Variants in IL12RB2 observed in about 807,000 individuals in gnomAD.
IL12RB2 encodes interleukin-12 receptor subunit beta-2.
IL12RB2 carries 82 observed loss-of-function variants against 89.4 expected under a neutral mutation model. The observed-to-expected ratio is 0.92, with a 90% CI of 0.77 to 1.10. The LOEUF is 1.10. IL12RB2 is among the 50% of genes least tolerant of loss of function. The pLI is 0.00. For missense variants in IL12RB2, 963 were observed against 1,031.9 expected, an observed-to-expected ratio of 0.93 and a Z score of 0.92; for synonymous variants, 368 against 370.1, an observed-to-expected ratio of 0.99 and a Z score of 0.07.
At chr1:67,381,910 C>G (rs570140352) in intron 14 of IL12RB2, among the ~76,000 whole-genome samples, 73 of 152,148 alleles carry the variant, frequency 4.8e-4, no homozygotes, top group African/African-American at 1.8e-3. Flanking sequence ...CACTTGAACC[C>G]AGGAGGCAGA....
At chr1:67,378,781 C>T (rs537643565) in intron 13 of IL12RB2, among the ~76,000 whole-genome samples, 22 of 133,978 alleles carry the variant, frequency 1.6e-4, no homozygotes, top group Admixed American at 6.8e-4. Context: ...ATTCGGGAGG[C>T]GGAGGTTGCA....
chr1:67,334,068 G>A (rs139465525), intron 8 of IL12RB2, among the ~76,000 whole-genome samples: 122 of 152,274 alleles, frequency 8.0e-4, no homozygotes, highest in African/African-American at 2.6e-3. Context: ...TGACAGCAAG[G>A]GTGAGGGGTG....
At chr1:67,331,114 A>G (rs2100685187) in intron 8 of IL12RB2, among the ~76,000 whole-genome samples, 1 of 152,342 alleles carries the variant, frequency 6.6e-6, no homozygotes, top group Non-Finnish European at 1.5e-5. Flanking sequence ...CTTATTTCAC[A>G]GAGCTATAAC....
intron 10 of IL12RB2, among the ~76,000 whole-genome samples, chr1:67,360,340 A>G (rs932336245): frequency 6.6e-6 from 1 of 151,924 alleles, no homozygotes; most frequent in African/African-American, 2.4e-5. Flanking sequence ...CAGAGGTTGC[A>G]GTGAGCCAAG....
chr1:67,388,205 CAAGAA>C (rs1166081957), intron 15 of IL12RB2, among the ~76,000 whole-genome samples: 2 of 152,084 alleles, frequency 1.3e-5, no homozygotes, highest in East Asian at 3.8e-4. Context: ...GGTAGAGCTG[CAAGAA>C]AAGAAAACAA....
At position 67,320,409 on chromosome 1, in the gene IL12RB2, T is replaced by G; in HGVS notation, c.41T>G (p.Phe14Cys). 6.2e-7 allele frequency: 1 copy of G among 1,614,010 alleles called. No homozygotes were observed. The highest frequency in any genetic ancestry group is 1.7e-4 in the Middle Eastern group (1 of 6,054). ...TFRGCSLAFM[F>C]IITWLLIKAK... Reference sequence around the variant, plus strand: ...AGAGGATGCTCATTGGCATTTATGTTTATAATCACGTGGCTGTTGATTAAA... The same window carrying G: ...AGAGGATGCTCATTGGCATTTATGTGTATAATCACGTGGCTGTTGATTAAA... Residue 14 changes from phenylalanine (F) to cysteine (C), a missense_variant, in exon 3 of 17, where the codon TTT becomes TGT. Phe to Cys is a radical substitution (Grantham distance 205). Transcript: ENST00000674203.
chr1:67,365,054 C>T (rs921792646), intron 10 of IL12RB2, among the ~76,000 whole-genome samples: 2 of 152,148 alleles, frequency 1.3e-5, no homozygotes, highest in African/African-American at 4.8e-5. Context: ...TTCTAAATAA[C>T]ACATTGGTCA....
chr1:67,310,184 CAAAAAAAAAAAAA>C (rs890229904), intron 1 of IL12RB2, among the ~76,000 whole-genome samples: 4 of 36,750 alleles, frequency 1.1e-4, no homozygotes, highest in African/African-American at 3.2e-4. Flanking sequence ...AACTTCATCT[CAAAAAAAAAAAAA>C]AAAAAAAAAA....
intron 1 of IL12RB2, among the ~76,000 whole-genome samples, chr1:67,312,644 G>A (rs1359962149): frequency 5.3e-5 from 5 of 94,834 alleles, no homozygotes; most frequent in African/African-American, 1.6e-4. Flanking sequence ...AATAGGAAAA[G>A]AAGAGAGAAA....
At chr1:67,375,128 C>T (rs1030267962) in intron 13 of IL12RB2, among the ~76,000 whole-genome samples, 6 of 152,038 alleles carry the variant, frequency 3.9e-5, no homozygotes, top group African/African-American at 9.7e-5. Context: ...GGCATGGTGG[C>T]TCATGCCTGT....
At chr1:67,339,591 T>C (rs1443155959) in intron 9 of IL12RB2, among the ~76,000 whole-genome samples, 2 of 151,950 alleles carry the variant, frequency 1.3e-5, no homozygotes, top group African/African-American at 4.8e-5. Context: ...CAGAAAACAG[T>C]GAAGCCTGAC....
intron 8 of IL12RB2, among the ~76,000 whole-genome samples, chr1:67,337,495 ATTAT>A (rs1202345589): frequency 9.8e-5 from 15 of 152,288 alleles, no homozygotes; most frequent in Admixed American, 6.5e-4. Flanking sequence ...ACAGGAGTTG[ATTAT>A]TTAGTCTCTT....
At chr1:67,322,436 CAAAAAAAAA>C (rs56249028) in intron 4 of IL12RB2, among the ~76,000 whole-genome samples, 4 of 127,214 alleles carry the variant, frequency 3.1e-5, no homozygotes, top group Middle Eastern at 3.9e-3. Context: ...CTGACTCCAG[CAAAAAAAAA>C]AAAAAAAAAA....
chr1:67,380,071 G>A lies in IL12RB2; in HGVS notation c.1803G>A (p.Leu601=). The change falls in exon 14 of 17, where the codon CTG becomes CTA. Residue 601 remains leucine, a synonymous_variant. Transcript: ENST00000674203. ...CATATGTCCTGTGGATGACAGCTCT[G>A]ACAGCTGCTGGTGAAAGTTCCCACG... ...RVTYVLWMTA[L]TAAGESSHGN... is the part of the protein sequence containing the mutation. The A allele has an allele frequency of 1.2e-6, 2 of 1,614,110 alleles. No homozygotes were observed. The highest frequency in any genetic ancestry group is 1.7e-6 in the Non-Finnish European group (2 of 1,179,948).
chr1:67,328,388 C>T lies in IL12RB2; in HGVS notation c.664+4C>T. 6.2e-7 allele frequency: 1 copy of T among 1,614,110 alleles called. No homozygotes were observed. The highest frequency in any genetic ancestry group is 8.5e-7 in the Non-Finnish European group (1 of 1,180,020). On this transcript the variant is annotated splice_donor_region_variant and intron_variant, in intron 6 of 16. Transcript: ENST00000674203. ...ACATTCACATTCTTGGACATAGGTA[C>T]ATTTTATTTCACTGTTTCATTGGTA...
chr1:67,310,099 G>T, intron 1 of IL12RB2, among the ~76,000 whole-genome samples: 1 of 146,530 alleles, frequency 6.8e-6, no homozygotes, highest in African/African-American at 2.5e-5. Context: ...CAGGAGAATC[G>T]ATTGAACCCG....
intron 1 of IL12RB2, among the ~76,000 whole-genome samples, chr1:67,309,016 T>G (rs1569645175): frequency 6.6e-6 from 1 of 151,124 alleles, no homozygotes; most frequent in East Asian, 1.9e-4. Flanking sequence ...CGAGACTCTG[T>G]CTTAAAAATA....
intron 8 of IL12RB2, among the ~76,000 whole-genome samples, chr1:67,337,612 A>C (rs531606902): frequency 5.3e-5 from 8 of 152,220 alleles, no homozygotes; most frequent in Non-Finnish European, 8.8e-5. Context: ...TTGGCATTAA[A>C]TAGATAATAT....
chr1:67,372,408 T>C lies in IL12RB2; in HGVS notation c.1460-28T>C, dbSNP rs754897505. ...AGTGACTCACCAGTAATGGCACGGCTGTTATGGGAATTCCCTTTTCCTTGC... is the reference window on the plus strand; with the variant it reads ...AGTGACTCACCAGTAATGGCACGGCCGTTATGGGAATTCCCTTTTCCTTGC... On this transcript the variant is annotated intron_variant, in intron 11 of 16. Transcript: ENST00000674203. 9 of 1,176,160 alleles carry C rather than the reference T, an allele frequency of 7.7e-6. No homozygotes were observed. The Admixed American group carries it at 1.5e-4, about 20-fold the overall frequency. The allele number at this position is 1,176,160 out of a possible 1,614,324, so 72.9% of individuals were successfully genotyped here.
Sources: gnomAD v4.1 joint callset for allele counts (sites outside exome capture counted in the v4.1 genomes callset) on GRCh38, gnomAD v4.1.1 for gene constraint, MANE v1.5 for transcripts, NCBI Gene and HGNC (gene_info 2026-07-23, HGNC 2026-07-21) for gene names.